CDH13: variants seen among roughly 807,000 people sequenced by gnomAD.
CDH13 encodes the protein cadherin-13.
A neutral mutation model predicts 63.8 loss-of-function variants in CDH13; 24 were observed. That is an observed-to-expected ratio of 0.38 (90% CI 0.27 to 0.53). The LOEUF is 0.53. Ranked by LOEUF, CDH13 falls within the 20% of genes least tolerant of loss-of-function variation. The pLI is 0.85. For synonymous variants in CDH13, 503 were observed against 355.3 expected (o/e 1.42, Z -4.67); for missense variants, 1,049 against 903.1 (o/e 1.16, Z -2.07).
rs1277627545 is a variant in CDH13, at chr16:83,052,797, A to AG, written c.366+20579_366+20580insG. On this transcript the variant is annotated intron_variant, in intron 3 of 13. Coordinates refer to ENST00000567109, the MANE Select transcript of CDH13 (RefSeq NM_001257.5). Reference sequence around the variant, plus strand: ...ATCTCAAAAAAAAAAAAAAAAAAAAAAAAAAAAGAAAGAAATTAAACCTTA... The same window carrying AG: ...ATCTCAAAAAAAAAAAAAAAAAAAAAGAAAAAAAGAAAGAAATTAAACCTTA... Among the ~76,000 whole-genome samples, 465 of 146,454 alleles carry AG rather than the reference A, an allele frequency of 3.2e-3. 14 individuals carry two copies. Among genetic ancestry groups the AG allele is most frequent in the African/African-American group, 0.012 (449 of 37,268 alleles).
intron 1 of CDH13, among the ~76,000 whole-genome samples, chr16:82,692,571 C>T (rs1224035109): frequency 6.6e-6 from 1 of 152,120 alleles, no homozygotes; most frequent in Non-Finnish European, 1.5e-5. Flanking sequence ...TTGTTCCTTC[C>T]ATGACATGTG....
intron 7 of CDH13, among the ~76,000 whole-genome samples, chr16:83,565,868 T>G (rs1904276685): frequency 6.6e-6 from 1 of 152,242 alleles, no homozygotes; most frequent in Non-Finnish European, 1.5e-5. Flanking sequence ...GATAACTGAT[T>G]TATTCTTTTC....
chr16:83,014,794 A>C (rs1451274385), intron 2 of CDH13, among the ~76,000 whole-genome samples: 1 of 82,912 alleles, frequency 1.2e-5, no homozygotes, highest in South Asian at 3.6e-4. Flanking sequence ...ATATATTTGT[A>C]TATATATATG....
intron 4 of CDH13, among the ~76,000 whole-genome samples, chr16:83,158,648 C>A (rs989265395): frequency 2.0e-5 from 3 of 152,246 alleles, no homozygotes; most frequent in African/African-American, 7.2e-5. Context: ...CCGGGGACTG[C>A]TGCAGAGCCA....
chr16:83,555,739 T>C (rs1433795366), intron 7 of CDH13, among the ~76,000 whole-genome samples: 1 of 152,328 alleles, frequency 6.6e-6, no homozygotes, highest in South Asian at 2.1e-4. Context: ...TTAAATCAGA[T>C]TTTAAGCAGA....
chr16:83,105,183 A>C (rs113688839), intron 3 of CDH13, among the ~76,000 whole-genome samples: 1 of 152,146 alleles, frequency 6.6e-6, no homozygotes, highest in Non-Finnish European at 1.5e-5. Context: ...GGAAAACTCA[A>C]TCTGGGGCCT....
intron 1 of CDH13, among the ~76,000 whole-genome samples, chr16:82,771,631 T>C (rs1225183795): frequency 1.3e-5 from 2 of 152,198 alleles, no homozygotes; most frequent in Non-Finnish European, 2.9e-5. Context: ...GAATTGGGAT[T>C]TGAGCTCAGG....
At position 83,602,491 on chromosome 16, in the gene CDH13, C is replaced by G; in HGVS notation, c.998C>G (p.Ala333Gly). 1.2e-6 allele frequency: 2 copies of G among 1,613,924 alleles called. No homozygotes were observed. Among genetic ancestry groups the G allele is most frequent in the Non-Finnish European group, 1.7e-6 (2 of 1,179,810 alleles). Residue 333 changes from alanine (A) to glycine (G), a missense_variant, in exon 8 of 14, where the codon GCT (alanine) becomes GGT (glycine). Coordinates refer to ENST00000567109, the MANE Select transcript of CDH13 (RefSeq NM_001257.5). Reference sequence around the variant, plus strand: ...CCCAAGTATGAACTGATCATCGAGGCTCAAGATATGGCTGGACTGGATGTT... The same window carrying G: ...CCCAAGTATGAACTGATCATCGAGGGTCAAGATATGGCTGGACTGGATGTT... ...ENPKYELIIE[A>G]QDMAGLDVGL...
intron 10 of CDH13, among the ~76,000 whole-genome samples, chr16:83,714,576 C>A (rs906584080): frequency 1.3e-5 from 2 of 152,130 alleles, no homozygotes; most frequent in Admixed American, 1.3e-4. Flanking sequence ...AGACTTTTAC[C>A]TATTGACTTG....
chr16:82,968,269 A>G (rs1031595974), intron 2 of CDH13, among the ~76,000 whole-genome samples: 4 of 152,220 alleles, frequency 2.6e-5, no homozygotes, highest in African/African-American at 9.6e-5. Context: ...TAGCACGTCA[A>G]CTTTTATTGC....
At chr16:83,434,633 G>A (rs986409811) in intron 6 of CDH13, among the ~76,000 whole-genome samples, 4 of 151,828 alleles carry the variant, frequency 2.6e-5, no homozygotes, top group Non-Finnish European at 5.9e-5. Flanking sequence ...ATACCAATCA[G>A]TAATCATGTA....
chr16:82,841,001 T>A (rs2038987164), intron 1 of CDH13, among the ~76,000 whole-genome samples: 1 of 152,200 alleles, frequency 6.6e-6, no homozygotes, highest in Non-Finnish European at 1.5e-5. Context: ...AAATCACTTT[T>A]AGTTGACTAT....
rs181101990 is a variant in CDH13 at position 83,463,650 on chromosome 16, A to T, written c.782-22827A>T. On this transcript the variant is annotated intron_variant, in intron 6 of 13. Transcript: ENST00000567109. ...ACCCCCATCATTATAAAAATTTTAA[A>T]AATTTAACCGGGCATGGTGGTGCAC... 1.1e-3 allele frequency among the ~76,000 whole-genome samples: 164 copies of T among 152,256 alleles called. 2 individuals carry two copies. In the Middle Eastern group the frequency reaches 0.037, roughly 35 times the overall value.
intron 6 of CDH13, among the ~76,000 whole-genome samples, chr16:83,347,071 A>G (rs534398456): frequency 2.0e-5 from 3 of 152,322 alleles, no homozygotes; most frequent in African/African-American, 7.2e-5. Context: ...AAGACTTTCA[A>G]ACAAAAAGCC....
Position 83,490,034 on chromosome 16 carries a change from C to CAA in CDH13, c.960+3380_960+3381insAA, listed in dbSNP as rs1479154081. 4.7e-5 allele frequency among the ~76,000 whole-genome samples: 7 copies of CAA among 149,780 alleles called. No individual in the cohort carries two copies. In the East Asian group the frequency reaches 1.4e-3, roughly 29 times the overall value. The stretch of plus-strand genomic sequence containing the variant: ...CCACACACACACACACACACACACA[C>CAA]ACACACACACACACAGCTCACCAGC... On this transcript the variant is annotated intron_variant, in intron 7 of 13. Coordinates refer to ENST00000567109, the MANE Select transcript of CDH13 (RefSeq NM_001257.5).
intron 5 of CDH13, among the ~76,000 whole-genome samples, chr16:83,256,691 A>T (rs1280967401): frequency 7.9e-6 from 1 of 126,072 alleles, no homozygotes; most frequent in Non-Finnish European, 1.7e-5. Flanking sequence ...AAAAAAAAAA[A>T]AAAATTAGCC....
chr16:83,547,225 A>G (rs1426979340), intron 7 of CDH13, among the ~76,000 whole-genome samples: 1 of 152,228 alleles, frequency 6.6e-6, no homozygotes, highest in African/African-American at 2.4e-5. Flanking sequence ...CAGGGCTTCA[A>G]GAGTACACAG....
intron 1 of CDH13, among the ~76,000 whole-genome samples, chr16:82,757,311 C>G (rs1043230981): frequency 6.6e-6 from 1 of 152,168 alleles, no homozygotes; most frequent in Non-Finnish European, 1.5e-5. Flanking sequence ...TCATTTGCAT[C>G]TGAACAATTT....
chr16:83,577,301 G>T (rs1905151333), intron 7 of CDH13, among the ~76,000 whole-genome samples: 1 of 152,198 alleles, frequency 6.6e-6, no homozygotes, highest in South Asian at 2.1e-4. Context: ...GAAGGAAGAA[G>T]AGAGGAATAG....
Sources: gnomAD v4.1 joint callset for allele counts (sites outside exome capture counted in the v4.1 genomes callset) on GRCh38, gnomAD v4.1.1 for gene constraint, MANE v1.5 for transcripts, NCBI Gene and HGNC (gene_info 2026-07-23, HGNC 2026-07-21) for gene names.